ETV6: variants seen among roughly 807,000 people sequenced by gnomAD.
ETV6 encodes the protein ETS variant transcription factor 6.
A neutral mutation model predicts 51.1 loss-of-function variants in ETV6; 16 were observed. The ratio of observed to expected loss-of-function variants is 0.31; its 90% CI spans 0.21 to 0.48. The LOEUF (loss-of-function observed/expected upper bound fraction) is 0.48. Among genes scored for constraint, ETV6 ranks in the 20% least tolerant of loss-of-function variants. The pLI is 0.99. For synonymous variants in ETV6, 240 were observed against 224.1 expected, an observed-to-expected ratio of 1.07 and a Z score of -0.64; for missense variants, 458 against 594.8, an observed-to-expected ratio of 0.77 and a Z score of 2.39.
At chr12:11,792,547 C>T (rs939182324) in intron 2 of ETV6, among the ~76,000 whole-genome samples, 1 of 152,018 alleles carries the variant, frequency 6.6e-6, no homozygotes, top group African/African-American at 2.4e-5. Flanking sequence ...ATTAGCCAGG[C>T]GTGGTGGCGC....
intron 4 of ETV6, among the ~76,000 whole-genome samples, chr12:11,868,403 G>T (rs1261622027): frequency 6.6e-6 from 1 of 150,626 alleles, no homozygotes; most frequent in Non-Finnish European, 1.5e-5. Flanking sequence ...AGTGTCATGA[G>T]TGTCATAAGG....
rs2136596296 is a variant in ETV6, at chr12:11,884,558, G to A, written c.1123G>A (p.Gly375Arg). The A allele has an allele frequency of 6.2e-7, 1 of 1,614,152 alleles. No individual in the cohort carries two copies. Among genetic ancestry groups the A allele is most frequent in the Non-Finnish European group, 8.5e-7 (1 of 1,180,032 alleles). ...AATATTCCGGATAGTGGATCCCAAC[G>A]GACTGGCTCGACTGTGGGGAAACCA... Reference protein sequence around the residue: ...SKIFRIVDPNGLARLWGNHKN... With the variant: ...SKIFRIVDPNRLARLWGNHKN... Residue 375 changes from glycine to arginine, a missense_variant, in exon 6 of 8, where the codon GGA becomes AGA. By Grantham distance (125) the Gly-to-Arg change is moderately radical. Coordinates refer to ENST00000396373, the MANE Select transcript of ETV6 (RefSeq NM_001987.5).
At chr12:11,822,976 TGACAGCATCCTCC>T (rs985850318) in intron 2 of ETV6, among the ~76,000 whole-genome samples, 5 of 152,158 alleles carry the variant, frequency 3.3e-5, no homozygotes, top group Non-Finnish European at 7.4e-5. Flanking sequence ...TATCAGTACA[TGACAGCATCCTCC>T]GACGAGACTG....
At chr12:11,717,168 A>G (rs1865293864) in intron 1 of ETV6, among the ~76,000 whole-genome samples, 1 of 152,208 alleles carries the variant, frequency 6.6e-6, no homozygotes, top group African/African-American at 2.4e-5. Context: ...CTCCAAATAC[A>G]GCAGTGTCTG....
At chr12:11,809,866 C>G (rs1027552855) in intron 2 of ETV6, among the ~76,000 whole-genome samples, 4 of 128,310 alleles carry the variant, frequency 3.1e-5, no homozygotes, top group Non-Finnish European at 6.2e-5. Flanking sequence ...GTCACCCAGG[C>G]TGGAGTGCAG....
At chr12:11,812,402 A>AC (rs909085513) in intron 2 of ETV6, among the ~76,000 whole-genome samples, 5 of 151,450 alleles carry the variant, frequency 3.3e-5, no homozygotes, top group African/African-American at 9.7e-5. Context: ...ATTCTTAGGA[A>AC]CCCCCCACAA....
intron 1 of ETV6, among the ~76,000 whole-genome samples, chr12:11,713,581 T>A (rs1865214618): frequency 6.6e-6 from 1 of 152,220 alleles, no homozygotes; most frequent in African/African-American, 2.4e-5. Flanking sequence ...TTCCTAAACT[T>A]CTTTGAGGTG....
At chr12:11,762,284 C>G (rs1004190658) in intron 2 of ETV6, among the ~76,000 whole-genome samples, 2 of 152,182 alleles carry the variant, frequency 1.3e-5, no homozygotes, top group Non-Finnish European at 2.9e-5. Context: ...GTGGCTTGGC[C>G]CTTTGCCCCA....
At chr12:11,866,636 TG>T (rs1043781962) in intron 4 of ETV6, among the ~76,000 whole-genome samples, 52 of 152,374 alleles carry the variant, frequency 3.4e-4, no homozygotes, top group African/African-American at 1.2e-3. Context: ...TCCTACATTG[TG>T]GCCATTCTGG....
intron 5 of ETV6, among the ~76,000 whole-genome samples, chr12:11,875,525 A>C (rs1018638379): frequency 9.2e-5 from 14 of 152,328 alleles, no homozygotes; most frequent in African/African-American, 2.6e-4. Flanking sequence ...GCCAGAAAGT[A>C]TATTGGCCAC....
At chr12:11,850,247 C>G (rs1258694051) in intron 3 of ETV6, among the ~76,000 whole-genome samples, 2 of 152,148 alleles carry the variant, frequency 1.3e-5, no homozygotes, top group Admixed American at 1.3e-4. Context: ...GACCCTGCTC[C>G]CTTGGCCAGC....
intron 4 of ETV6, among the ~76,000 whole-genome samples, chr12:11,854,586 T>C (rs947130323): frequency 6.6e-6 from 1 of 152,156 alleles, no homozygotes; most frequent in Non-Finnish European, 1.5e-5. Flanking sequence ...ATACTCCAAA[T>C]AGAATAAAAT....
intron 5 of ETV6, among the ~76,000 whole-genome samples, chr12:11,874,583 T>TGTATGTGC (rs1946942378): frequency 2.6e-4 from 3 of 11,528 alleles, no homozygotes; most frequent in Non-Finnish European, 1.4e-3. Flanking sequence ...CACATATATG[T>TGTATGTGC]GTGTATACAC....
At chr12:11,768,381 C>G (rs1053219194) in intron 2 of ETV6, among the ~76,000 whole-genome samples, 8 of 152,136 alleles carry the variant, frequency 5.3e-5, no homozygotes, top group African/African-American at 1.9e-4. Flanking sequence ...GCAAGCCTGG[C>G]AGGTAGCTGA....
At chr12:11,811,203 G>A (rs952469765) in intron 2 of ETV6, among the ~76,000 whole-genome samples, 1 of 152,146 alleles carries the variant, frequency 6.6e-6, no homozygotes, top group Admixed American at 6.5e-5. Flanking sequence ...ACATGCTCTA[G>A]TGGAATCTAG....
chr12:11,684,877 G>A (rs570518365), intron 1 of ETV6, among the ~76,000 whole-genome samples: 2 of 152,282 alleles, frequency 1.3e-5, no homozygotes, highest in African/African-American at 4.8e-5. Flanking sequence ...CTAACGTGAG[G>A]AAACAGACAA....
chr12:11,727,607 G>C (rs1026959791), intron 1 of ETV6, among the ~76,000 whole-genome samples: 1 of 152,158 alleles, frequency 6.6e-6, no homozygotes, highest in Non-Finnish European at 1.5e-5. Context: ...CTAGTTAAGA[G>C]GCTTGATTAA....
In ETV6 at chr12:11,707,141, A is replaced by G. The variant is rs140604925; in HGVS notation, c.34-45309A>G. Among the ~76,000 whole-genome samples the G allele has an allele frequency of 5.4e-4, 83 of 152,338 alleles. No individual in the cohort carries two copies. The East Asian group carries it at 9.6e-3, about 18-fold the overall frequency. ...CAGGGAACTCAGAAGAAAGTAAACAAGAGCGCTCAATTGCAGAGTCTTGAA... is the reference window on the plus strand; with the variant it reads ...CAGGGAACTCAGAAGAAAGTAAACAGGAGCGCTCAATTGCAGAGTCTTGAA... On this transcript the variant is annotated intron_variant, in intron 1 of 7. Coordinates refer to ENST00000396373, the MANE Select transcript of ETV6 (RefSeq NM_001987.5).
At chr12:11,668,933 C>G (rs915176742) in intron 1 of ETV6, among the ~76,000 whole-genome samples, 3 of 152,228 alleles carry the variant, frequency 2.0e-5, no homozygotes, top group Admixed American at 1.3e-4. Context: ...TGCTCCTGTA[C>G]TTGGCTGTCC....
Sources: allele counts gnomAD v4.1 joint callset (sites outside exome capture counted in the v4.1 genomes callset), GRCh38; gene constraint gnomAD v4.1.1; transcripts MANE v1.5; gene names NCBI Gene and HGNC (gene_info 2026-07-23, HGNC 2026-07-21).